PALM2AKAP2: variants seen among roughly 807,000 people sequenced by gnomAD.
PALM2AKAP2 encodes the protein PALM2 and AKAP2 fusion.
Under a neutral mutation model 71.5 loss-of-function variants are expected in PALM2AKAP2, and 37 were observed. The observed-to-expected ratio is 0.52, with a 90% CI of 0.40 to 0.68. PALM2AKAP2 has a LOEUF of 0.68. PALM2AKAP2 is among the 30% of genes least tolerant of loss of function. The pLI, the probability that PALM2AKAP2 is intolerant of heterozygous loss-of-function variation, is 0.00. For missense variants in PALM2AKAP2, 1,224 were observed against 1,191.8 expected (o/e 1.03, Z -0.40); for synonymous variants, 468 against 478.8 (o/e 0.98, Z 0.29).
At chr9:109,849,743 T>G (rs1253696391) in intron 1 of PALM2AKAP2, among the ~76,000 whole-genome samples, 2 of 151,834 alleles carry the variant, frequency 1.3e-5, no homozygotes, top group Non-Finnish European at 1.5e-5. Flanking sequence ...GCAACAAGTG[T>G]GAAACTCTGT....
In PALM2AKAP2 at chr9:109,951,191, T is replaced by G. The variant is rs967538021; in HGVS notation, c.496+19163T>G. On this transcript the variant is annotated intron_variant, in intron 6 of 9. Transcript: ENST00000302798. ...TGGTGAAATTTTCAGCTTTAGCATC[T>G]CACTCGGGGTGAGTGATGTCTCTGT... Among the ~76,000 whole-genome samples, 6 of 148,692 alleles carry G rather than the reference T, an allele frequency of 4.0e-5. 1 individual carries two copies. The highest frequency in any genetic ancestry group is 3.6e-3 in the Middle Eastern group (1 of 280).
At chr9:109,658,672 G>A (rs770026415) in intron 1 of PALM2AKAP2, among the ~76,000 whole-genome samples, 12 of 152,124 alleles carry the variant, frequency 7.9e-5, no homozygotes, top group Admixed American at 2.0e-4. Context: ...ATGGTGGAGG[G>A]CAAAAGGCAC....
chr9:109,702,607 G>T (rs567832537), intron 1 of PALM2AKAP2, among the ~76,000 whole-genome samples: 9 of 151,268 alleles, frequency 5.9e-5, no homozygotes, highest in South Asian at 2.1e-4. Context: ...GTGGGGGTAG[G>T]GGGGAGGGAT....
intron 6 of PALM2AKAP2, among the ~76,000 whole-genome samples, chr9:110,014,094 T>C (rs1394528690): frequency 6.6e-6 from 1 of 152,206 alleles, no homozygotes; most frequent in Non-Finnish European, 1.5e-5. Flanking sequence ...ATATTTACTA[T>C]GTGACGAGCA....
chr9:109,760,173 T>C (rs946379800), intron 1 of PALM2AKAP2, among the ~76,000 whole-genome samples: 2 of 152,154 alleles, frequency 1.3e-5, no homozygotes, highest in Non-Finnish European at 2.9e-5. Flanking sequence ...GTGTCTATTT[T>C]TACTCTAAAC....
intron 6 of PALM2AKAP2, among the ~76,000 whole-genome samples, chr9:110,013,076 T>C (rs2132328538): frequency 6.6e-6 from 1 of 152,192 alleles, no homozygotes; most frequent in East Asian, 1.9e-4. Context: ...GGGGCTTGGC[T>C]GATCTAGACC....
At chr9:109,911,899 A>T (rs766469936) in intron 3 of PALM2AKAP2, among the ~76,000 whole-genome samples, 1 of 152,218 alleles carries the variant, frequency 6.6e-6, no homozygotes, top group East Asian at 1.9e-4. Flanking sequence ...ACACTCTAAT[A>T]CAAGGCAGAG....
At chr9:110,036,621 C>A (rs1174228880) in intron 7 of PALM2AKAP2, among the ~76,000 whole-genome samples, 1 of 152,084 alleles carries the variant, frequency 6.6e-6, no homozygotes. Context: ...AAATCTAAAC[C>A]AAATCAAGTC....
chr9:110,145,518 G>T (rs1233764991), intron 2 of PALM2AKAP2, among the ~76,000 whole-genome samples: 1 of 152,110 alleles, frequency 6.6e-6, no homozygotes, highest in Non-Finnish European at 1.5e-5. Context: ...TCATTATTCT[G>T]TTAACTAAAC....
At chr9:109,905,375 C>T (rs181591311) in intron 3 of PALM2AKAP2, among the ~76,000 whole-genome samples, 7,030 of 149,624 alleles carry the variant, frequency 0.047, 337 homozygotes, top group Admixed American at 0.12. Flanking sequence ...GATACTTCTG[C>T]CTCAACACCA....
intron 6 of PALM2AKAP2, among the ~76,000 whole-genome samples, chr9:110,013,543 C>T (rs1459947594): frequency 6.6e-6 from 1 of 152,166 alleles, no homozygotes; most frequent in Non-Finnish European, 1.5e-5. Context: ...TAAGATAAAG[C>T]TGACAATCTC....
intron 3 of PALM2AKAP2, among the ~76,000 whole-genome samples, chr9:109,902,820 C>G (rs957640067): frequency 6.6e-6 from 1 of 152,154 alleles, no homozygotes; most frequent in Non-Finnish European, 1.5e-5. Flanking sequence ...AATTCCCTGT[C>G]CATGTGGAAC....
chr9:110,049,130 C>T (rs1588077419), intron 1 of PALM2AKAP2, among the ~76,000 whole-genome samples: 1 of 152,298 alleles, frequency 6.6e-6, no homozygotes, highest in East Asian at 1.9e-4. Context: ...TTTATATATG[C>T]TTTAAAAACT....
At chr9:109,855,695 C>A (rs1474264502) in intron 1 of PALM2AKAP2, among the ~76,000 whole-genome samples, 7 of 152,282 alleles carry the variant, frequency 4.6e-5, no homozygotes, top group Non-Finnish European at 1.0e-4. Context: ...GAAAAATTTT[C>A]TACTTTTAAA....
intron 2 of PALM2AKAP2, among the ~76,000 whole-genome samples, chr9:110,139,149 G>A (rs933856365): frequency 6.6e-6 from 1 of 152,200 alleles, no homozygotes; most frequent in Non-Finnish European, 1.5e-5. Flanking sequence ...CTTGTCATGT[G>A]ACCCATTTGG....
intron 6 of PALM2AKAP2, among the ~76,000 whole-genome samples, chr9:109,982,667 C>G (rs1832298391): frequency 1.3e-5 from 2 of 152,064 alleles, no homozygotes; most frequent in African/African-American, 4.8e-5. Flanking sequence ...ATTCTGTCAC[C>G]CAGGCAGGAG....
exon 4 of PALM2AKAP2, chr9:110,170,423 G>C (rs2119305384): frequency 6.5e-6 from 1 of 152,678 alleles, no homozygotes; most frequent in East Asian, 1.9e-4. Flanking sequence ...TATTAGACTA[G>C]TGTTGACTTT....
At chr9:110,119,242 C>G (rs1484801552) in intron 1 of PALM2AKAP2, among the ~76,000 whole-genome samples, 1 of 149,560 alleles carries the variant, frequency 6.7e-6, no homozygotes, top group South Asian at 2.1e-4. Flanking sequence ...GCTCGGGAGG[C>G]TGAAGCAGGA....
chr9:109,920,076 G>A (rs1830791607), intron 3 of PALM2AKAP2, among the ~76,000 whole-genome samples: 1 of 152,156 alleles, frequency 6.6e-6, no homozygotes, highest in Non-Finnish European at 1.5e-5. Context: ...CAGGCTGAAG[G>A]GGCAGCAGCT....
Sources: allele counts gnomAD v4.1 joint callset (sites outside exome capture counted in the v4.1 genomes callset), GRCh38; gene constraint gnomAD v4.1.1; transcripts MANE v1.5; gene names NCBI Gene and HGNC (gene_info 2026-07-23, HGNC 2026-07-21).